DIS3L2: variants seen among roughly 807,000 people sequenced by gnomAD.
DIS3L2 encodes DIS3 like 3'-5' exoribonuclease 2, also known as DIS3-like exonuclease 2.
In DIS3L2, 34 loss-of-function variants were observed where a neutral mutation model predicts 97.5. That is an observed-to-expected ratio of 0.35 (90% CI 0.27 to 0.46). The LOEUF (loss-of-function observed/expected upper bound fraction) is 0.46, where lower values mean the gene tolerates loss of function less well. Among genes scored for constraint, DIS3L2 ranks in the 20% least tolerant of loss-of-function variants. The pLI, the probability that DIS3L2 is intolerant of heterozygous loss-of-function variation, is 1.00. For synonymous variants in DIS3L2, 435 were observed against 445.2 expected, an observed-to-expected ratio of 0.98 and a Z score of 0.29; for missense variants, 1,038 against 1,146.0, an observed-to-expected ratio of 0.91 and a Z score of 1.36.
intron 14 of DIS3L2, among the ~76,000 whole-genome samples, chr2:232,313,316 A>G (rs542367099): frequency 2.0e-5 from 3 of 152,324 alleles, no homozygotes; most frequent in Admixed American, 2.0e-4. Flanking sequence ...GTGGTGATTT[A>G]TGAGCTAGGA....
At chr2:232,147,488 T>C (rs1306001123) in intron 8 of DIS3L2, among the ~76,000 whole-genome samples, 1 of 152,240 alleles carries the variant, frequency 6.6e-6, no homozygotes, top group African/African-American at 2.4e-5. Flanking sequence ...ATATTACATT[T>C]AGTTGTCTTG....
chr2:232,070,233 G>C (rs945129368), intron 5 of DIS3L2, among the ~76,000 whole-genome samples: 1 of 152,110 alleles, frequency 6.6e-6, no homozygotes, highest in Admixed American at 6.5e-5. Context: ...GCCACTGCAC[G>C]CCAGCCTGGG....
intron 6 of DIS3L2, among the ~76,000 whole-genome samples, chr2:232,112,742 T>C (rs572856079): frequency 5.9e-5 from 9 of 151,984 alleles, no homozygotes; most frequent in Admixed American, 1.3e-4. Context: ...CAGTGGCATG[T>C]AGACAAGAGG....
intron 1 of DIS3L2, among the ~76,000 whole-genome samples, chr2:231,966,695 A>G (rs975634325): frequency 7.3e-5 from 6 of 81,768 alleles, no homozygotes; most frequent in Non-Finnish European, 1.1e-4. Flanking sequence ...GGGTCTTGCT[A>G]TGTTGCTCAG....
intron 6 of DIS3L2, among the ~76,000 whole-genome samples, chr2:232,102,511 G>A (rs974820228): frequency 1.3e-5 from 2 of 152,126 alleles, no homozygotes; most frequent in Admixed American, 6.6e-5. Context: ...TTGGGGTGAA[G>A]TATCCTGATG....
At chr2:232,145,223 G>A (rs1690185536) in intron 8 of DIS3L2, among the ~76,000 whole-genome samples, 1 of 152,112 alleles carries the variant, frequency 6.6e-6, no homozygotes, top group Non-Finnish European at 1.5e-5. Flanking sequence ...TCACTGATAT[G>A]GAAATTATCT....
chr2:232,011,724 ACTGCTACCT>A (rs1443920724), intron 1 of DIS3L2, among the ~76,000 whole-genome samples: 1 of 151,942 alleles, frequency 6.6e-6, no homozygotes, highest in East Asian at 1.9e-4. Context: ...GTCTCGGCTC[ACTGCTACCT>A]CTGCCTCCTG....
At chr2:232,084,554 C>T (rs1185975708) in intron 5 of DIS3L2, among the ~76,000 whole-genome samples, 1 of 152,196 alleles carries the variant, frequency 6.6e-6, no homozygotes, top group African/African-American at 2.4e-5. Flanking sequence ...TGAGCTCTTG[C>T]AGGAAGGGCC....
At chr2:232,101,801 C>T (rs1259163010) in intron 6 of DIS3L2, among the ~76,000 whole-genome samples, 1 of 152,162 alleles carries the variant, frequency 6.6e-6, no homozygotes, top group African/African-American at 2.4e-5. Flanking sequence ...ATTCTTTCTC[C>T]CCTAATAAAT....
chr2:232,327,353 G>A (rs1040970931), intron 14 of DIS3L2, among the ~76,000 whole-genome samples: 3 of 152,266 alleles, frequency 2.0e-5, no homozygotes, highest in Non-Finnish European at 4.4e-5. Flanking sequence ...CGGCAAGCCT[G>A]CAGCTGGGCT....
rs1698368090 is a variant in DIS3L2 at position 232,136,685 on chromosome 2, G to A, written c.916G>A (p.Val306Met). ...YANTLFICRI[V>M]DWKEDCNFAL... ...CAACACACTGTTCATCTGCCGCATT[G>A]TGGACTGGAAGGAGGACTGCAATTT... Residue 306 changes from valine (V) to methionine (M), a missense_variant, in exon 8 of 21, where the codon GTG becomes ATG. Val to Met is a conservative substitution (Grantham distance 21). This residue lies in a region of DIS3L2 where 813 missense variants were observed against 880.1 expected (regional missense o/e 0.92). Coordinates refer to ENST00000325385, the MANE Select transcript of DIS3L2 (RefSeq NM_152383.5). The A allele has an allele frequency of 6.2e-7, 1 of 1,613,846 alleles. No homozygotes were observed. Among genetic ancestry groups the A allele is most frequent in the Non-Finnish European group, 8.5e-7 (1 of 1,179,932 alleles).
At chr2:232,181,987 G>A (rs1421739785) in intron 9 of DIS3L2, among the ~76,000 whole-genome samples, 1 of 151,942 alleles carries the variant, frequency 6.6e-6, no homozygotes, top group African/African-American at 2.4e-5. Context: ...GTAGAAGTGA[G>A]GTTTCATCAT....
Position 232,334,751 on chromosome 2 carries a change from G to C in DIS3L2, c.2394+16G>C, listed in dbSNP as rs565580392. On this transcript the variant is annotated intron_variant, in intron 19 of 20. Coordinates refer to ENST00000325385, the MANE Select transcript of DIS3L2 (RefSeq NM_152383.5). ...CTACTGCAACGTGAGTGCCCTGGGA[G>C]AGCCCGGGGGCGGGCAGGGCAGCCC... The C allele has an allele frequency of 6.3e-7, 1 of 1,587,050 alleles. No individual in the cohort carries two copies. Among genetic ancestry groups the C allele is most frequent in the South Asian group, 1.1e-5 (1 of 87,550 alleles).
chr2:232,165,952 A>G (rs554327498), intron 9 of DIS3L2, among the ~76,000 whole-genome samples: 1 of 152,062 alleles, frequency 6.6e-6, no homozygotes, highest in African/African-American at 2.4e-5. Context: ...GTTAGTAGTT[A>G]TGGGGCCCAA....
At chr2:232,181,606 C>T (rs540740479) in intron 9 of DIS3L2, among the ~76,000 whole-genome samples, 72 of 152,076 alleles carry the variant, frequency 4.7e-4, no homozygotes, top group African/African-American at 1.5e-3. Context: ...TTGATCGCAT[C>T]GGCCACCATG....
At chr2:232,054,880 A>G (rs1695501697) in intron 5 of DIS3L2, among the ~76,000 whole-genome samples, 1 of 152,222 alleles carries the variant, frequency 6.6e-6, no homozygotes, top group African/African-American at 2.4e-5. Flanking sequence ...AATTGAATCC[A>G]TAGATATGTT....
intron 8 of DIS3L2, among the ~76,000 whole-genome samples, chr2:232,162,492 A>G (rs903401840): frequency 3.3e-5 from 5 of 152,262 alleles, no homozygotes; most frequent in African/African-American, 9.6e-5. Flanking sequence ...TAAGAACTCC[A>G]GCAGCCAAGC....
At chr2:232,051,811 CAAAAAAAAAAAA>C (rs58851349) in intron 5 of DIS3L2, among the ~76,000 whole-genome samples, 474 of 37,088 alleles carry the variant, frequency 0.013, 13 homozygotes, top group Non-Finnish European at 0.013. Flanking sequence ...GACTCCGTCT[CAAAAAAAAAAAA>C]AAAAAAAAAA....
chr2:232,100,990 C>G (rs1160871847), intron 6 of DIS3L2, among the ~76,000 whole-genome samples: 1 of 152,000 alleles, frequency 6.6e-6, no homozygotes, highest in Non-Finnish European at 1.5e-5. Flanking sequence ...AATGCCAGCA[C>G]TTTGGGAGGC....
Sources: gnomAD v4.1 joint callset for allele counts (sites outside exome capture counted in the v4.1 genomes callset) on GRCh38, gnomAD v4.1.1 for gene constraint, gnomAD v4.1.1 regional missense constraint, MANE v1.5 for transcripts, NCBI Gene and HGNC (gene_info 2026-07-23, HGNC 2026-07-21) for gene names.